The following ISM1 variants were observed in gnomAD, a reference collection of about 807,000 sequenced individuals.
The protein encoded by ISM1 is isthmin 1, also known as isthmin-1.
ISM1 carries 25 observed loss-of-function variants against 46.3 expected under a neutral mutation model. That is an observed-to-expected ratio of 0.54 (90% confidence interval 0.39 to 0.75). The LOEUF (loss-of-function observed/expected upper bound fraction) is 0.75, where lower values mean the gene tolerates loss of function less well. Ranked by LOEUF, ISM1 falls within the 30% of genes least tolerant of loss-of-function variation. The pLI, the probability that ISM1 is intolerant of heterozygous loss-of-function variation, is 0.00. For missense variants in ISM1, 536 were observed against 625.4 expected, an observed-to-expected ratio of 0.86 and a Z score of 1.52; for synonymous variants, 255 against 256.7, an observed-to-expected ratio of 0.99 and a Z score of 0.06.
chr20:13,238,321 G>A (rs939472612), intron 1 of ISM1, among the ~76,000 whole-genome samples: 29 of 152,078 alleles, frequency 1.9e-4, no homozygotes, highest in Admixed American at 6.6e-5. Context: ...TTCTTGAGAA[G>A]GTCATTAATG....
the ISM1 span, among the ~76,000 whole-genome samples, chr20:13,317,311 A>G: frequency 1.3e-5 from 2 of 152,026 alleles, no homozygotes; most frequent in Non-Finnish European, 2.9e-5. Flanking sequence ...AAGTAAATAA[A>G]TTGAGAGATA....
At chr20:13,313,446 C>T in the ISM1 span, among the ~76,000 whole-genome samples, 3 of 152,298 alleles carry the variant, frequency 2.0e-5, no homozygotes, top group South Asian at 4.1e-4. Flanking sequence ...AAGGTAAACA[C>T]GGAGCCGTAG....
At chr20:13,309,126 T>C in the ISM1 span, among the ~76,000 whole-genome samples, 4 of 152,162 alleles carry the variant, frequency 2.6e-5, no homozygotes, top group Non-Finnish European at 5.9e-5. Context: ...AAACTCACAA[T>C]GCAAGGCTAC....
chr20:13,241,638 T>G lies in ISM1; in HGVS notation c.138+19724T>G, dbSNP rs146639058. Among the ~76,000 whole-genome samples the G allele has an allele frequency of 4.2e-3, 642 of 152,096 alleles. 2 individuals carry two copies. Among genetic ancestry groups the G allele is most frequent in the African/African-American group, 0.015 (612 of 41,508 alleles). On this transcript the variant is annotated intron_variant, in intron 1 of 5. Transcript: ENST00000262487. ...CCTGTTCCATCAGTGAAATATGAAG[T>G]GAGGGCAGGAGCACAAGTAGGACGT...
downstream of ISM1, among the ~76,000 whole-genome samples, chr20:13,303,288 T>C (rs953583429): frequency 6.6e-6 from 1 of 152,154 alleles, no homozygotes; most frequent in Admixed American, 6.5e-5. Flanking sequence ...CTGCCTTTGC[T>C]TAGATTGTTC....
At position 13,247,517 on chromosome 20, in the gene ISM1, G is replaced by GGGGTGTGTGTGTGT. The variant is rs1183213178; in HGVS notation, c.139-22986_139-22985insGGTGTGTGTGTGTG. On this transcript the variant is annotated intron_variant, in intron 1 of 5. Coordinates refer to ENST00000262487, the MANE Select transcript of ISM1 (RefSeq NM_080826.2). ...CAGCATTTCTGGCAGCAAAGTGAGGGGTGTGTGTGTGTGTGTGTGTGTGTG... is the reference window on the plus strand; with the variant it reads ...CAGCATTTCTGGCAGCAAAGTGAGGGGGGTGTGTGTGTGTGTGTGTGTGTGTGTGTGTGTGTGTG... Among the ~76,000 whole-genome samples the GGGGTGTGTGTGTGT allele has an allele frequency of 7.1e-5, 10 of 139,912 alleles. 1 individual carries two copies. Among genetic ancestry groups the GGGGTGTGTGTGTGT allele is most frequent in the African/African-American group, 2.7e-4 (10 of 37,232 alleles). 91.8% of individuals were successfully genotyped at this position (139,912 alleles called of 152,430 possible). A position where few individuals can be genotyped will look rare whatever the true frequency, so the allele number is the denominator to read the frequency against.
chr20:13,290,827 T>G (rs1305169414), intron 4 of ISM1, among the ~76,000 whole-genome samples: 4 of 152,242 alleles, frequency 2.6e-5, no homozygotes, highest in African/African-American at 9.6e-5. Context: ...TAGGTATTTA[T>G]GATTGTACTC....
At chr20:13,228,022 G>T (rs1313945967) in intron 1 of ISM1, among the ~76,000 whole-genome samples, 1 of 148,116 alleles carries the variant, frequency 6.8e-6, no homozygotes, top group Non-Finnish European at 1.5e-5. Flanking sequence ...TGGAGTCCAG[G>T]AGTGCAGTGG....
chr20:13,276,195 G>T (rs2040177477), intron 2 of ISM1, among the ~76,000 whole-genome samples: 1 of 152,124 alleles, frequency 6.6e-6, no homozygotes, highest in Non-Finnish European at 1.5e-5. Context: ...GAAAATACCT[G>T]CCCACTCCCA....
chr20:13,311,662 T>C, the ISM1 span, among the ~76,000 whole-genome samples: 22 of 152,220 alleles, frequency 1.4e-4, no homozygotes, highest in African/African-American at 5.3e-4. Context: ...GAGGACATTA[T>C]GTTTAGTGAT....
At chr20:13,290,588 G>A (rs754012032) in intron 4 of ISM1, among the ~76,000 whole-genome samples, 5 of 152,192 alleles carry the variant, frequency 3.3e-5, no homozygotes, top group Non-Finnish European at 5.9e-5. Flanking sequence ...GGCGGAGCTT[G>A]CAGTGAGCCA....
the ISM1 span, among the ~76,000 whole-genome samples, chr20:13,324,762 T>C: frequency 6.6e-6 from 1 of 152,216 alleles, no homozygotes; most frequent in South Asian, 2.1e-4. Flanking sequence ...CTAGCACCAC[T>C]ACAGAAAGCA....
the ISM1 span, among the ~76,000 whole-genome samples, chr20:13,306,564 C>CAAAAAAAAA: frequency 6.7e-4 from 43 of 63,906 alleles, no homozygotes; most frequent in African/African-American, 1.3e-3. Context: ...GGAGAAAGGA[C>CAAAAAAAAA]AAAAAAAAAA....
intron 1 of ISM1, among the ~76,000 whole-genome samples, chr20:13,252,164 T>C (rs557072744): frequency 2.8e-4 from 42 of 152,138 alleles, no homozygotes; most frequent in Non-Finnish European, 4.6e-4. Context: ...CTCAGGCCTC[T>C]TTTCTGGAAG....
intron 1 of ISM1, among the ~76,000 whole-genome samples, chr20:13,230,599 T>TA (rs2039577222): frequency 1.3e-5 from 2 of 152,136 alleles, no homozygotes; most frequent in Non-Finnish European, 2.9e-5. Flanking sequence ...TGAAGCCCCT[T>TA]AGGTCCTCAA....
At chr20:13,268,150 T>TCTTCC (rs1407539250) in intron 1 of ISM1, among the ~76,000 whole-genome samples, 3 of 141,606 alleles carry the variant, frequency 2.1e-5, no homozygotes, top group South Asian at 2.2e-4. Context: ...TCTTCTCTTC[T>TCTTCC]CTTCCCTTCC....
At chr20:13,317,644 T>C in the ISM1 span, among the ~76,000 whole-genome samples, 2 of 152,032 alleles carry the variant, frequency 1.3e-5, no homozygotes, top group Non-Finnish European at 2.9e-5. Flanking sequence ...CCTACACCAA[T>C]AGAGTCAGTT....
chr20:13,256,055 C>A (rs774708203), intron 1 of ISM1, among the ~76,000 whole-genome samples: 1 of 151,870 alleles, frequency 6.6e-6, no homozygotes, highest in Non-Finnish European at 1.5e-5. Context: ...GCTGGGAGTT[C>A]GAAACCCTGT....
chr20:13,281,582 T>G (rs1338742813), intron 3 of ISM1, among the ~76,000 whole-genome samples: 1 of 152,178 alleles, frequency 6.6e-6, no homozygotes, highest in Non-Finnish European at 1.5e-5. Context: ...GACCTGAGAT[T>G]CACCCCAGGC....
Sources: gnomAD v4.1 joint callset for allele counts (sites outside exome capture counted in the v4.1 genomes callset) on GRCh38, gnomAD v4.1.1 for gene constraint, MANE v1.5 for transcripts, NCBI Gene and HGNC (gene_info 2026-07-23, HGNC 2026-07-21) for gene names.